The following RBPJ variants were observed in gnomAD, a reference collection of about 807,000 sequenced individuals.
RBPJ encodes recombining binding protein suppressor of hairless.
A neutral mutation model predicts 67.8 loss-of-function variants in RBPJ; 9 were observed. That is an observed-to-expected ratio of 0.13 (90% confidence interval 0.08 to 0.23). The LOEUF is 0.23. Ranked by LOEUF, RBPJ falls within the 10% of genes least tolerant of loss-of-function variation. The pLI is 1.00. For missense variants in RBPJ, 305 were observed against 595.6 expected, an observed-to-expected ratio of 0.51 and a Z score of 5.08; for synonymous variants, 198 against 203.3, an observed-to-expected ratio of 0.97 and a Z score of 0.22.
intron 7 of RBPJ, among the ~76,000 whole-genome samples, chr4:26,428,206 C>T (rs1288069801): frequency 6.6e-6 from 1 of 152,132 alleles, no homozygotes. Flanking sequence ...CTGACAGTAG[C>T]CTTCTAGAGA....
chr4:26,163,628 C>G (rs1716145629), intron 1 of RBPJ: 1 of 152,168 alleles, frequency 6.6e-6, no homozygotes, highest in Non-Finnish European at 1.5e-5. Context: ...AGTGAATTCT[C>G]TAATGAGTTA....
At chr4:26,205,154 A>G (rs2109160235) in intron 1 of RBPJ, among the ~76,000 whole-genome samples, 1 of 152,326 alleles carries the variant, frequency 6.6e-6, no homozygotes, top group African/African-American at 2.4e-5. Flanking sequence ...GGTTCTCAGA[A>G]CAGGCATGCA....
the RBPJ span, among the ~76,000 whole-genome samples, chr4:26,130,156 C>A: frequency 6.6e-6 from 1 of 152,158 alleles, no homozygotes; most frequent in Non-Finnish European, 1.5e-5. Context: ...CCACCATGCC[C>A]AGCCTCAGAG....
intron 1 of RBPJ, among the ~76,000 whole-genome samples, chr4:26,210,639 C>A (rs147295681): frequency 1.2e-3 from 187 of 151,348 alleles, no homozygotes; most frequent in African/African-American, 4.4e-3. Flanking sequence ...ACTTTTCAAA[C>A]CCTTAAGCCA....
chr4:26,277,445 T>C (rs1035012985), intron 1 of RBPJ, among the ~76,000 whole-genome samples: 1 of 152,236 alleles, frequency 6.6e-6, no homozygotes, highest in African/African-American at 2.4e-5. Context: ...CAAGCCTCTC[T>C]CTTCTCTTGG....
chr4:26,430,558 G>T lies in RBPJ; in HGVS notation c.1148+36G>T. On this transcript the variant is annotated intron_variant, in intron 10 of 10. Transcript: ENST00000355476. This position sits in a 1 kb window ranked among gnomAD's most constrained non-coding sequence, Gnocchi z 4.1. ...AAACTTTTTGCATCATCCAGAGGTT[G>T]TGAGGGGTGTGGGTACAGGAGATTC... 1 of 1,548,878 alleles carries T rather than the reference G, an allele frequency of 6.5e-7. No homozygotes were observed. Among genetic ancestry groups the T allele is most frequent in the Non-Finnish European group, 8.8e-7 (1 of 1,135,960 alleles).
intron 1 of RBPJ, among the ~76,000 whole-genome samples, chr4:26,292,778 T>C (rs1721715074): frequency 6.7e-6 from 1 of 150,278 alleles, no homozygotes; most frequent in Non-Finnish European, 1.5e-5. Context: ...GTGGTGTGTG[T>C]GTATGTGTGA....
At chr4:26,410,785 G>GT (rs1411899006) in intron 3 of RBPJ, among the ~76,000 whole-genome samples, 2 of 152,190 alleles carry the variant, frequency 1.3e-5, no homozygotes, top group African/African-American at 4.8e-5. Context: ...CTGTAAGGCA[G>GT]TTTTCAGACA....
the RBPJ span, among the ~76,000 whole-genome samples, chr4:26,119,058 C>T: frequency 2.6e-5 from 4 of 152,150 alleles, no homozygotes; most frequent in Admixed American, 6.5e-5. Flanking sequence ...TGCATTGATC[C>T]GGGTCTCAGT....
At chr4:26,338,401 A>G (rs1725126774) in intron 1 of RBPJ, among the ~76,000 whole-genome samples, 1 of 151,786 alleles carries the variant, frequency 6.6e-6, no homozygotes, top group Admixed American at 6.6e-5. Context: ...TGATCTGTCC[A>G]CCATGGCCTC....
At chr4:26,148,852 G>A in the RBPJ span, among the ~76,000 whole-genome samples, 1 of 152,212 alleles carries the variant, frequency 6.6e-6, no homozygotes, top group Admixed American at 6.5e-5. Flanking sequence ...TGCCTCCAGA[G>A]AACAGGATGC....
chr4:26,129,446 A>C, the RBPJ span, among the ~76,000 whole-genome samples: 1 of 152,186 alleles, frequency 6.6e-6, no homozygotes, highest in Non-Finnish European at 1.5e-5. Flanking sequence ...AATTGGAGTA[A>C]AGTTGAGTGG....
At chr4:26,192,236 T>C (rs1365499465) in intron 1 of RBPJ, among the ~76,000 whole-genome samples, 1 of 152,186 alleles carries the variant, frequency 6.6e-6, no homozygotes, top group African/African-American at 2.4e-5. Context: ...CTTGAACTCC[T>C]GACCAAGTGA....
chr4:26,373,054 C>T (rs1448833630), intron 1 of RBPJ, among the ~76,000 whole-genome samples: 1 of 152,102 alleles, frequency 6.6e-6, no homozygotes, highest in Non-Finnish European at 1.5e-5. Context: ...ATTTTTACCA[C>T]AAATGTAGGT....
chr4:26,415,331 A>G, intron 3 of RBPJ, 144 bp from the exon 4 acceptor site: 1 of 670,706 alleles, frequency 1.5e-6, no homozygotes, highest in South Asian at 2.2e-5. Flanking sequence ...TTTGCATTAC[A>G]AAAGGCTTCA....
intron 1 of RBPJ, among the ~76,000 whole-genome samples, chr4:26,233,026 G>A (rs1719340233): frequency 6.6e-6 from 1 of 152,250 alleles, no homozygotes; most frequent in African/African-American, 2.4e-5. Context: ...CACATGCAGA[G>A]AGAGCAGCTG....
intron 1 of RBPJ, among the ~76,000 whole-genome samples, chr4:26,255,391 G>C (rs548222691): frequency 1.1e-5 from 1 of 87,200 alleles, no homozygotes; most frequent in African/African-American, 6.3e-5. Context: ...GCGACAGAGC[G>C]AGACTCCGTC....
chr4:26,146,863 A>C, the RBPJ span, among the ~76,000 whole-genome samples: 1 of 152,202 alleles, frequency 6.6e-6, no homozygotes, highest in Non-Finnish European at 1.5e-5. Context: ...AACAAAATAA[A>C]ACAAATCGAG....
Position 26,430,275 on chromosome 4 carries a change from T to C in RBPJ, c.1045-144T>C. ...AATAAACTTGTATGTTATCTTGAAA[T>C]GTTTTTAGCTAGCTTTGTAATAAAA... is the stretch of plus-strand genomic sequence containing the variant. On this transcript the variant is annotated intron_variant, in intron 9 of 10. Coordinates refer to ENST00000355476, the MANE Select transcript of RBPJ (RefSeq NM_015874.6). This position sits in a 1 kb window ranked among gnomAD's most constrained non-coding sequence, Gnocchi z 4.1. The C allele has an allele frequency of 1.2e-6, 1 of 844,542 alleles. No individual in the cohort carries two copies. The allele number at this position is 844,542 out of a possible 1,614,324, so 52.3% of individuals were successfully genotyped here.
Sources: gnomAD v4.1 joint callset for allele counts (sites outside exome capture counted in the v4.1 genomes callset) on GRCh38, gnomAD v4.1.1 for gene constraint, Gnocchi (gnomAD v3.1) non-coding constraint, MANE v1.5 for transcripts, NCBI Gene and HGNC (gene_info 2026-07-23, HGNC 2026-07-21) for gene names.